The following MYH2 variants were observed in gnomAD, a reference collection of about 807,000 sequenced individuals.
The protein encoded by MYH2 is myosin heavy chain 2.
A neutral mutation model predicts 228.1 loss-of-function variants in MYH2; 139 were observed. That is an observed-to-expected ratio of 0.61 (90% CI 0.53 to 0.70). MYH2 has a LOEUF of 0.70. Ranked by LOEUF, MYH2 falls within the 30% of genes least tolerant of loss-of-function variation. The probability of loss-of-function intolerance (pLI) is 0.00; values close to 1 mark genes in which losing one functional copy is unlikely to be tolerated. For missense variants in MYH2, 1,809 were observed against 2,357.5 expected, an observed-to-expected ratio of 0.77 and a Z score of 4.82; for synonymous variants, 796 against 871.1, an observed-to-expected ratio of 0.91 and a Z score of 1.52.
intron 14 of MYH2, among the ~76,000 whole-genome samples, chr17:10,538,423 C>T (rs528550435): frequency 6.6e-6 from 1 of 151,936 alleles, no homozygotes; most frequent in Non-Finnish European, 1.5e-5. Context: ...GGGCGGATCA[C>T]GAGGTCAGAA....
chr17:10,536,538 G>A lies in MYH2; in HGVS notation c.1966C>T (p.Leu656Phe). 6.2e-7 allele frequency: 1 copy of A among 1,613,640 alleles called. No homozygotes were observed. Among genetic ancestry groups the A allele is most frequent in the South Asian group, 1.1e-5 (1 of 91,026 alleles). The part of the protein sequence containing the change: ...KGSSFQTVSA[L>F]FRENLNKLMT... ...AACAATTTCTTCCTTACTCTGAAAA[G>A]GGCAGACACTGTCTGGAAAGAAGAG... The change falls in exon 17 of 40, where the codon CTT becomes TTT. Residue 656 changes from leucine to phenylalanine, a missense_variant. Around this residue, in one of 9 missense-constraint regions of MYH2, gnomAD observed 276 missense variants for 344.2 expected, o/e 0.80. Coordinates refer to ENST00000245503, the MANE Select transcript of MYH2 (RefSeq NM_017534.6).
chr17:10,539,286 G>A lies in MYH2; in HGVS notation c.1335C>T (p.Arg445=). 2 of 1,614,216 alleles carry A rather than the reference G, an allele frequency of 1.2e-6. No homozygotes were observed. The highest frequency in any genetic ancestry group is 1.1e-5 in the South Asian group (1 of 91,090). Residue 445 remains arginine, a synonymous_variant, in exon 14 of 40, where the codon CGC becomes CGT. Coordinates refer to ENST00000245503, the MANE Select transcript of MYH2 (RefSeq NM_017534.6). ...GCTTGGTGTCCAGCTGCTGGTTGAT[G>A]CGGGCAACCATCCACAGGAACATCT... is the stretch of plus-strand genomic sequence containing the variant. ...YEKMFLWMVA[R]INQQLDTKQP... is the part of the protein sequence containing the mutation.
At chr17:10,521,798 A>T (rs2073288881) in intron 39 of MYH2, among the ~76,000 whole-genome samples, 1 of 152,118 alleles carries the variant, frequency 6.6e-6, no homozygotes, top group Non-Finnish European at 1.5e-5. Context: ...TCATATTAAG[A>T]ATGAACTTAT....
chr17:10,524,559 C>T lies in MYH2; in HGVS notation c.5082G>A (p.Leu1694=), dbSNP rs1462094022. ...ANLLQAEIEE[L]RATLEQTERS... is the part of the protein sequence containing the mutation. ...TCTCTGTCTGTTCCAGAGTGGCCCG[C>T]AGCTCCTCGATCTCAGCCTGCAGCA... Residue 1694 remains leucine, a synonymous_variant, in exon 35 of 40, where the codon CTG becomes CTA. Transcript: ENST00000245503. The surrounding 1 kb of genome is among the most constrained non-coding windows in gnomAD (Gnocchi z 4.7). The T allele has an allele frequency of 2.1e-5, 34 of 1,614,124 alleles. No individual in the cohort carries two copies. Among genetic ancestry groups the T allele is most frequent in the Non-Finnish European group, 2.8e-5 (33 of 1,180,052 alleles).
Position 10,526,616 on chromosome 17 carries a change from C to CT in MYH2, c.4169dup (p.Glu1391GlyfsTer17). ...GCACATACTTGGCCTCCTCCAGCTC[C>CT]TCTGTGCGCTGGATGGCGTCCGTCT... On this transcript the variant is annotated frameshift_variant, in exon 30 of 40. Coordinates refer to ENST00000245503, the MANE Select transcript of MYH2 (RefSeq NM_017534.6). LOFTEE classifies it high-confidence loss of function. The CT allele has an allele frequency of 6.2e-7, 1 of 1,613,990 alleles. No homozygotes were observed. Among genetic ancestry groups the CT allele is most frequent in the Non-Finnish European group, 8.5e-7 (1 of 1,179,874 alleles).
chr17:10,525,454 G>T lies in MYH2; in HGVS notation c.4534C>A (p.Gln1512Lys). 6.2e-7 allele frequency: 1 copy of T among 1,614,182 alleles called. No individual in the cohort carries two copies. Among genetic ancestry groups the T allele is most frequent in the Non-Finnish European group, 8.5e-7 (1 of 1,180,018 alleles). ...ETLKRENKNLQQEISDLTEQI... is the reference protein window; with the variant it reads ...ETLKRENKNLKQEISDLTEQI... ...ATTGAATATGATAGGGACTTACGCTGTAAGTTTTTGTTCTCTCGCTTCAGG... is the reference window on the plus strand; with the variant it reads ...ATTGAATATGATAGGGACTTACGCTTTAAGTTTTTGTTCTCTCGCTTCAGG... The change falls in exon 32 of 40, where the codon CAG (glutamine) becomes AAG (lysine). Residue 1512 changes from glutamine to lysine, a missense_variant. Transcript: ENST00000245503. This position sits in a 1 kb window ranked among gnomAD's most constrained non-coding sequence, Gnocchi z 4.2.
Position 10,539,507 on chromosome 17 carries a change from AG to A in MYH2, c.1202del (p.Ala401ValfsTer20). On this transcript the variant is annotated frameshift_variant, in exon 13 of 40. Transcript: ENST00000245503. LOFTEE classifies it high-confidence loss of function. The part of the protein sequence containing the change: ...QSLNSADLLK[A>X]LCYPRVKVGN... Reference sequence around the variant, plus strand: ...CGACCTTGACCCTGGGGTAGCAGAGAGCTTTGAGCAGATCTGCAGAGTTCAG... The same window carrying A: ...CGACCTTGACCCTGGGGTAGCAGAGACTTTGAGCAGATCTGCAGAGTTCAG... The A allele has an allele frequency of 6.2e-7, 1 of 1,614,142 alleles. No individual in the cohort carries two copies. Among genetic ancestry groups the A allele is most frequent in the Non-Finnish European group, 8.5e-7 (1 of 1,180,032 alleles).
rs749551889 is a variant in MYH2 at position 10,537,578 on chromosome 17, AT to A, written c.1588-37del. On this transcript the variant is annotated intron_variant, in intron 15 of 39. Transcript: ENST00000245503. This position sits in a 1 kb window ranked among gnomAD's most constrained non-coding sequence, Gnocchi z 4.0. ...GACCACAACACAAAATTGTACTTCT[AT>A]TTTTTTTTCTGTCTATAGAATTAAA... 1.9e-4 allele frequency: 309 copies of A among 1,602,548 alleles called. No individual in the cohort carries two copies. Among genetic ancestry groups the A allele is most frequent in the South Asian group, 2.8e-4 (25 of 90,400 alleles).
Position 10,540,086 on chromosome 17 carries a change from G to T in MYH2, c.1009-20C>A. 1.2e-6 allele frequency: 2 copies of T among 1,613,784 alleles called. No individual in the cohort carries two copies. Among genetic ancestry groups the T allele is most frequent in the South Asian group, 1.1e-5 (1 of 91,070 alleles). ...AGCACTCTGTCAATATAACCAATAGGATAGCTGTTAGGTTGTGATCCACAC... is the reference window on the plus strand; with the variant it reads ...AGCACTCTGTCAATATAACCAATAGTATAGCTGTTAGGTTGTGATCCACAC... On this transcript the variant is annotated intron_variant, in intron 11 of 39. Transcript: ENST00000245503.
At chr17:10,528,401 T>C (rs2073381140) in intron 27 of MYH2, among the ~76,000 whole-genome samples, 1 of 152,200 alleles carries the variant, frequency 6.6e-6, no homozygotes, top group African/African-American at 2.4e-5. Context: ...CTTGAAATAA[T>C]TGGAGACCTT....
At chr17:10,521,972 A>G (rs1044353952) in intron 39 of MYH2, among the ~76,000 whole-genome samples, 2 of 152,198 alleles carry the variant, frequency 1.3e-5, no homozygotes, top group African/African-American at 4.8e-5. Flanking sequence ...TTATTTAATC[A>G]CTGGAAGACA....
chr17:10,529,510 G>A (rs374732131), intron 24 of MYH2, 29 bp from the exon 25 acceptor site: 1 of 1,614,058 alleles, frequency 6.2e-7, no homozygotes, highest in African/African-American at 1.3e-5. Context: ...GAATCAGAAG[G>A]AATGCTTATC....
At chr17:10,527,598 T>C in intron 28 of MYH2, 150 bp downstream of exon 28, 3 of 1,230,648 alleles carry the variant, frequency 2.4e-6, no homozygotes, top group Non-Finnish European at 2.4e-6. Context: ...TGTCCCAAGA[T>C]GACCTTGCAC....
Position 10,545,347 on chromosome 17 carries a change from A to G in MYH2, c.504T>C (p.Thr168=). Residue 168 remains threonine (T), a splice_region_variant and synonymous_variant, in exon 5 of 40, where the codon ACT becomes ACC. Transcript: ENST00000245503. ...TTGCAAAGCATTCGGCTCACTCACC[A>G]GTCAGCATGAACTGATAGGCGTTGT... ...ISDNAYQFML[T]DRENQSILIT... is the part of the protein sequence containing the mutation. The G allele has an allele frequency of 6.2e-7, 1 of 1,613,450 alleles. No homozygotes were observed. The highest frequency in any genetic ancestry group is 8.5e-7 in the Non-Finnish European group (1 of 1,179,866).
intron 17 of MYH2, 98 bp downstream of exon 17, chr17:10,536,432 A>G: frequency 2.0e-6 from 2 of 994,302 alleles, no homozygotes; most frequent in Non-Finnish European, 3.0e-6. Context: ...GAATAGATAA[A>G]TATATCCTTA....
In MYH2 at chr17:10,533,313, C is replaced by T. The variant is rs750282073; in HGVS notation, c.2413G>A (p.Val805Met). Residue 805 changes from valine to methionine, a missense_variant, in exon 21 of 40, where the codon GTG (valine) becomes ATG (methionine). Physicochemically the swap from Val to Met is conservative, Grantham distance 21. Coordinates refer to ENST00000245503, the MANE Select transcript of MYH2 (RefSeq NM_017534.6). ...CTCTCCACCATCCTCTGGTACTCCACTCTTGCCAAGAACCCTCTGCACCTG... is the reference window on the plus strand; with the variant it reads ...CTCTCCACCATCCTCTGGTACTCCATTCTTGCCAAGAACCCTCTGCACCTG... ...QARCRGFLAR[V>M]EYQRMVERRE... 3 of 1,614,070 alleles carry T rather than the reference C, an allele frequency of 1.9e-6. No homozygotes were observed. Among genetic ancestry groups the T allele is most frequent in the Non-Finnish European group, 8.5e-7 (1 of 1,180,028 alleles).
Position 10,529,350 on chromosome 17 carries a change from A to C in MYH2, c.3249T>G (p.Asp1083Glu). 4.3e-6 allele frequency: 7 copies of C among 1,613,898 alleles called. No homozygotes were observed. Among genetic ancestry groups the C allele is most frequent in the Non-Finnish European group, 5.9e-6 (7 of 1,180,008 alleles). Residue 1083 changes from aspartate (D) to glutamate (E), a missense_variant, in exon 25 of 40, where the codon GAT becomes GAG. Physicochemically the swap from Asp to Glu is conservative, Grantham distance 45. Coordinates refer to ENST00000245503, the MANE Select transcript of MYH2 (RefSeq NM_017534.6). ...MDIENEKQQL[D>E]EKLKKKEFEI... ...TTCTTACTTACTTTTTGAGCTTTTCATCAAGTTGCTGTTTCTCATTTTCAA... is the reference window on the plus strand; with the variant it reads ...TTCTTACTTACTTTTTGAGCTTTTCCTCAAGTTGCTGTTTCTCATTTTCAA...
Position 10,537,874 on chromosome 17 carries a change from TTGAG to T in MYH2, c.1417-43_1417-40del, listed in dbSNP as rs1567734029. 3 of 1,614,104 alleles carry T rather than the reference TTGAG, an allele frequency of 1.9e-6. No homozygotes were observed. The highest frequency in any genetic ancestry group is 2.2e-5 in the East Asian group (1 of 44,888). On this transcript the variant is annotated intron_variant, in intron 14 of 39. Coordinates refer to ENST00000245503, the MANE Select transcript of MYH2 (RefSeq NM_017534.6). This position sits in a 1 kb window ranked among gnomAD's most constrained non-coding sequence, Gnocchi z 4.0. Reference sequence around the variant, plus strand: ...TATGTTTACTTCTCTCTTAAGCAAATTGAGTATTTTTTAAAATACAGAACTTTTC... The same window carrying T: ...TATGTTTACTTCTCTCTTAAGCAAATTATTTTTTAAAATACAGAACTTTTC...
rs373340255 is a variant in MYH2 at position 10,537,047 on chromosome 17, A to G, written c.1897+186T>C. Among the ~76,000 whole-genome samples, 51 of 152,302 alleles carry G rather than the reference A, an allele frequency of 3.3e-4. No individual in the cohort carries two copies. The highest frequency in any genetic ancestry group is 1.2e-3 in the African/African-American group (49 of 41,560). On this transcript the variant is annotated intron_variant, in intron 16 of 39. Transcript: ENST00000245503. This position sits in a 1 kb window ranked among gnomAD's most constrained non-coding sequence, Gnocchi z 4.0. Reference sequence around the variant, plus strand: ...CCTGATAATCCTCTCTGACTCTGCAATAGGGCTCCTGTCAGCAGTGGAGTG... The same window carrying G: ...CCTGATAATCCTCTCTGACTCTGCAGTAGGGCTCCTGTCAGCAGTGGAGTG...
Sources: gnomAD v4.1 joint callset for allele counts (sites outside exome capture counted in the v4.1 genomes callset) on GRCh38, gnomAD v4.1.1 for gene constraint, gnomAD v4.1.1 regional missense constraint, Gnocchi (gnomAD v3.1) non-coding constraint, MANE v1.5 for transcripts, NCBI Gene and HGNC (gene_info 2026-07-23, HGNC 2026-07-21) for gene names.